CNTNAP5: variants seen among roughly 807,000 people sequenced by gnomAD.
The protein encoded by CNTNAP5 is contactin-associated protein-like 5.
In CNTNAP5, 72 loss-of-function variants were observed where a neutral mutation model predicts 150.2. The ratio of observed to expected loss-of-function variants is 0.48; its 90% CI spans 0.40 to 0.58. The LOEUF (loss-of-function observed/expected upper bound fraction) is 0.58, where lower values mean the gene tolerates loss of function less well. Ranked by LOEUF, CNTNAP5 falls within the 20% of genes least tolerant of loss-of-function variation. The pLI, the probability that CNTNAP5 is intolerant of heterozygous loss-of-function variation, is 0.00. For missense variants in CNTNAP5, 1,636 were observed against 1,626.2 expected (o/e 1.01, Z -0.10); for synonymous variants, 672 against 619.8 (o/e 1.08, Z -1.25).
intron 19 of CNTNAP5, among the ~76,000 whole-genome samples, chr2:124,824,885 T>C (rs905478597): frequency 6.6e-6 from 1 of 152,246 alleles, no homozygotes; most frequent in Admixed American, 6.5e-5. Context: ...ATCCATCTTG[T>C]ACTCCTGGAT....
intron 3 of CNTNAP5, among the ~76,000 whole-genome samples, chr2:124,321,530 A>T (rs1474711907): frequency 6.6e-6 from 1 of 152,174 alleles, no homozygotes; most frequent in East Asian, 1.9e-4. Flanking sequence ...AAAAAGGGGA[A>T]AAGTATAAAT....
rs748371734 is a variant in CNTNAP5, at chr2:124,524,500, T to A, written c.1477+48T>A. 3.9e-6 allele frequency: 6 copies of A among 1,520,900 alleles called. No homozygotes were observed. In the East Asian group the frequency reaches 1.4e-4, roughly 36 times the overall value. 94.2% of individuals were successfully genotyped at this position (1,520,900 alleles called of 1,614,324 possible). A position where few individuals can be genotyped will look rare whatever the true frequency, so the allele number is the denominator to read the frequency against. On this transcript the variant is annotated intron_variant, in intron 9 of 23. Coordinates refer to ENST00000682447, the MANE Select transcript of CNTNAP5 (RefSeq NM_001367498.1). The stretch of plus-strand genomic sequence containing the variant: ...GGGAAAATTAAGAAGGGAGGGAAAT[T>A]TAAGTGGGCAATTATTTCACTATGA...
chr2:124,858,709 C>A (rs1399015423), intron 19 of CNTNAP5, among the ~76,000 whole-genome samples: 2 of 151,858 alleles, frequency 1.3e-5, no homozygotes, highest in African/African-American at 4.8e-5. Flanking sequence ...AATGGATACA[C>A]AAAAAATAAA....
At chr2:124,832,120 A>G (rs1162445613) in intron 19 of CNTNAP5, among the ~76,000 whole-genome samples, 1 of 152,132 alleles carries the variant, frequency 6.6e-6, no homozygotes, top group Non-Finnish European at 1.5e-5. Context: ...TAAAATATCT[A>G]GCAGAGGCAA....
intron 3 of CNTNAP5, among the ~76,000 whole-genome samples, chr2:124,265,051 G>T (rs1687570524): frequency 6.6e-6 from 1 of 152,248 alleles, no homozygotes; most frequent in Non-Finnish European, 1.5e-5. Context: ...GCTAGAGGAT[G>T]TGGGGAGACT....
chr2:124,413,553 A>T (rs547979913), intron 3 of CNTNAP5, among the ~76,000 whole-genome samples: 6,701 of 135,576 alleles, frequency 0.049, 221 homozygotes, highest in South Asian at 0.11. Flanking sequence ...AGGCAGCCAT[A>T]AAAAATGATG....
At chr2:124,194,739 G>T (rs1010825598) in intron 1 of CNTNAP5, among the ~76,000 whole-genome samples, 4 of 150,514 alleles carry the variant, frequency 2.7e-5, no homozygotes, top group African/African-American at 9.7e-5. Context: ...ATATATTATA[G>T]GTAACATTAC....
intron 12 of CNTNAP5, among the ~76,000 whole-genome samples, chr2:124,643,913 A>T (rs1194330707): frequency 6.6e-6 from 1 of 152,184 alleles, no homozygotes; most frequent in Non-Finnish European, 1.5e-5. Flanking sequence ...TTCAAATATG[A>T]CCAATAAGAA....
intron 19 of CNTNAP5, among the ~76,000 whole-genome samples, chr2:124,839,084 T>A (rs1371890850): frequency 1.3e-5 from 2 of 151,962 alleles, no homozygotes; most frequent in African/African-American, 4.8e-5. Flanking sequence ...ACAATGGGGA[T>A]CAAAGAAGGC....
intron 3 of CNTNAP5, among the ~76,000 whole-genome samples, chr2:124,370,026 C>A (rs767767553): frequency 2.6e-5 from 4 of 152,130 alleles, no homozygotes; most frequent in Non-Finnish European, 4.4e-5. Flanking sequence ...AATATTTTTA[C>A]ATAATCACTA....
chr2:124,549,067 C>T (rs867504061), intron 10 of CNTNAP5, among the ~76,000 whole-genome samples: 80 of 152,310 alleles, frequency 5.3e-4, no homozygotes, highest in African/African-American at 1.6e-3. Flanking sequence ...GTCCCTAATC[C>T]TCTGCTTCTC....
intron 19 of CNTNAP5, among the ~76,000 whole-genome samples, chr2:124,854,058 T>C (rs1677291172): frequency 6.6e-6 from 1 of 152,252 alleles, no homozygotes; most frequent in South Asian, 2.1e-4. Flanking sequence ...CAATCTGTCA[T>C]TGATGGGCAT....
In CNTNAP5 at chr2:124,130,323, C is replaced by T. The variant is rs369620133; in HGVS notation, c.83-91382C>T. Among the ~76,000 whole-genome samples, 23 of 151,844 alleles carry T rather than the reference C, an allele frequency of 1.5e-4. No homozygotes were observed. In the East Asian group the frequency reaches 3.9e-3, roughly 26 times the overall value. The stretch of plus-strand genomic sequence containing the variant: ...CTATATCTTGGTGGTCAGGATCCTT[C>T]CCAAACACAGTGCCCTGTTGCCAAA... On this transcript the variant is annotated intron_variant, in intron 1 of 23. Coordinates refer to ENST00000682447, the MANE Select transcript of CNTNAP5 (RefSeq NM_001367498.1).
At chr2:124,911,653 T>G in intron 23 of CNTNAP5, 115 bp downstream of exon 23, 1 of 778,988 alleles carries the variant, frequency 1.3e-6, no homozygotes, top group Non-Finnish European at 2.2e-6. Context: ...CCCCCTACAT[T>G]ACCTGCAAGA....
At chr2:124,223,373 TCA>T (rs1265869121) in intron 2 of CNTNAP5, among the ~76,000 whole-genome samples, 1 of 152,112 alleles carries the variant, frequency 6.6e-6, no homozygotes, top group African/African-American at 2.4e-5. Context: ...TCTGCCAACC[TCA>T]GTTTTTTATC....
chr2:124,711,788 C>A (rs1186579410), intron 13 of CNTNAP5, among the ~76,000 whole-genome samples: 1 of 152,022 alleles, frequency 6.6e-6, no homozygotes, highest in Non-Finnish European at 1.5e-5. Context: ...TTGCAGTGAG[C>A]CAAGATAGTG....
chr2:124,874,922 G>T (rs1437440106), intron 21 of CNTNAP5, among the ~76,000 whole-genome samples: 1 of 151,856 alleles, frequency 6.6e-6, no homozygotes, highest in African/African-American at 2.4e-5. Context: ...TGCTCCAATG[G>T]CTGTTTGCCC....
chr2:124,451,077 TACACACACACACACACACAC>T (rs1553469346), intron 6 of CNTNAP5, among the ~76,000 whole-genome samples: 2 of 61,528 alleles, frequency 3.3e-5, no homozygotes, highest in South Asian at 9.3e-4. Flanking sequence ...TATATATATA[TACACACACACACACACACAC>T]ATAATGTATA....
At chr2:124,817,973 A>T (rs906635767) in intron 19 of CNTNAP5, among the ~76,000 whole-genome samples, 2 of 152,214 alleles carry the variant, frequency 1.3e-5, no homozygotes, top group Non-Finnish European at 2.9e-5. Flanking sequence ...AACGTTAGCC[A>T]CCGACACATT....
Sources: gnomAD v4.1 joint callset for allele counts (sites outside exome capture counted in the v4.1 genomes callset) on GRCh38, gnomAD v4.1.1 for gene constraint, MANE v1.5 for transcripts, NCBI Gene and HGNC (gene_info 2026-07-23, HGNC 2026-07-21) for gene names.